Variants in DPY19L4 observed in about 807,000 individuals in gnomAD.
DPY19L4 encodes dpy-19 like 4, also known as probable C-mannosyltransferase DPY19L4.
DPY19L4 carries 97 observed loss-of-function variants against 102.8 expected under a neutral mutation model. The ratio of observed to expected loss-of-function variants is 0.94; its 90% confidence interval spans 0.80 to 1.12. The LOEUF is 1.12. Ranked by LOEUF, DPY19L4 falls within the 50% of genes most tolerant of loss-of-function variation. The probability of loss-of-function intolerance (pLI) is 0.00; values close to 1 mark genes in which losing one functional copy is unlikely to be tolerated. For missense variants in DPY19L4, 815 were observed against 850.4 expected (o/e 0.96, Z 0.52); for synonymous variants, 252 against 283.1 (o/e 0.89, Z 1.10).
At chr8:94,766,144 G>A (rs1321771473) in intron 10 of DPY19L4, among the ~76,000 whole-genome samples, 1 of 151,986 alleles carries the variant, frequency 6.6e-6, no homozygotes, top group Non-Finnish European at 1.5e-5. Context: ...AGGTTGAAAT[G>A]TTGTTGATCA....
At chr8:94,742,747 G>C (rs570720213) in intron 6 of DPY19L4, among the ~76,000 whole-genome samples, 1 of 151,906 alleles carries the variant, frequency 6.6e-6, no homozygotes, top group East Asian at 2.0e-4. Context: ...TTTTAGTAGA[G>C]ATGGGGTTTC....
rs1169668380 is a variant in DPY19L4, at chr8:94,761,759, T to C, written c.795T>C (p.Tyr265=). ...STYTFMMMWE[Y]SHYLLFLQAI... is the part of the protein sequence containing the mutation. ...ACACATTTATGATGATGTGGGAGTA[T>C]AGCCACTATCTCCTGTTTCTTCAAG... is the stretch of plus-strand genomic sequence containing the variant. The change falls in exon 8 of 19, where the codon TAT becomes TAC. Residue 265 remains tyrosine, a synonymous_variant. Transcript: ENST00000414645. 1 of 1,612,230 alleles carries C rather than the reference T, an allele frequency of 6.2e-7. No homozygotes were observed. The highest frequency in any genetic ancestry group is 8.5e-7 in the Non-Finnish European group (1 of 1,179,336).
At chr8:94,731,043 C>A (rs533994159) in intron 2 of DPY19L4, among the ~76,000 whole-genome samples, 2 of 131,930 alleles carry the variant, frequency 1.5e-5, no homozygotes, top group South Asian at 4.9e-4. Context: ...CCACTCCCGG[C>A]CAACTCTGTC....
At chr8:94,738,061 G>A (rs1381813105) in intron 3 of DPY19L4, among the ~76,000 whole-genome samples, 1 of 151,932 alleles carries the variant, frequency 6.6e-6, no homozygotes, top group Non-Finnish European at 1.5e-5. Flanking sequence ...GCTTACGCCT[G>A]TAATCCCAGC....
At chr8:94,749,228 C>T (rs1811811777) in intron 6 of DPY19L4, among the ~76,000 whole-genome samples, 1 of 152,118 alleles carries the variant, frequency 6.6e-6, no homozygotes, top group African/African-American at 2.4e-5. Flanking sequence ...GGGAACACAG[C>T]CAAACCATAT....
At chr8:94,781,346 A>G (rs1040269047) in intron 16 of DPY19L4, among the ~76,000 whole-genome samples, 180 bp downstream of exon 16, 2 of 152,174 alleles carry the variant, frequency 1.3e-5, no homozygotes, top group Non-Finnish European at 2.9e-5. Flanking sequence ...GCTCATCTCC[A>G]TGGGCTTGAA....
At chr8:94,724,462 G>A (rs192117710) in intron 1 of DPY19L4, among the ~76,000 whole-genome samples, 72 of 152,222 alleles carry the variant, frequency 4.7e-4, no homozygotes, top group Middle Eastern at 6.8e-3. Flanking sequence ...CTAGAGCAGG[G>A]GAATATTAAA....
chr8:94,754,702 T>C (rs2130859248), intron 6 of DPY19L4, among the ~76,000 whole-genome samples: 1 of 152,342 alleles, frequency 6.6e-6, no homozygotes, highest in Admixed American at 6.5e-5. Context: ...CCCCTTGTGG[T>C]ATGTGGATAT....
At chr8:94,744,477 T>G (rs761572499) in intron 6 of DPY19L4, 2 of 456,618 alleles carry the variant, frequency 4.4e-6, no homozygotes, top group African/African-American at 2.0e-5. Flanking sequence ...TCTGCCATAT[T>G]TTGTCAGTTG....
At chr8:94,732,651 A>G (rs1055837355) in intron 2 of DPY19L4, among the ~76,000 whole-genome samples, 1 of 152,158 alleles carries the variant, frequency 6.6e-6, no homozygotes, top group Non-Finnish European at 1.5e-5. Context: ...CTTTAGGTTT[A>G]TAGTTAGTTA....
intron 12 of DPY19L4, among the ~76,000 whole-genome samples, chr8:94,769,527 A>G (rs1229509734): frequency 6.6e-6 from 1 of 152,128 alleles, no homozygotes; most frequent in African/African-American, 2.4e-5. Flanking sequence ...ATTTAACTTA[A>G]ATGAAGTTAG....
rs915349029 is a variant in DPY19L4 at position 94,792,228 on chromosome 8, ATTATTATTTT to A, written c.*2324_*2333del. On this transcript the variant is annotated 3_prime_UTR_variant, in exon 19 of 19. Coordinates refer to ENST00000414645, the MANE Select transcript of DPY19L4 (RefSeq NM_181787.3). ...ATACAAGTGCCTTGAATTTATTATT[ATTATTATTTT>A]TTATTTTTTTGAGATGGAGTTTCAC... is the stretch of plus-strand genomic sequence containing the variant. The A allele has an allele frequency of 1.3e-5, 2 of 151,822 alleles. No homozygotes were observed. Among genetic ancestry groups the A allele is most frequent in the African/African-American group, 4.8e-5 (2 of 41,344 alleles). The allele number at this position is 151,822 out of a possible 1,614,324, so 9.4% of individuals were successfully genotyped here. A position where few individuals can be genotyped will look rare whatever the true frequency, so the allele number is the denominator to read the frequency against.
intron 1 of DPY19L4, among the ~76,000 whole-genome samples, chr8:94,723,063 A>C (rs940338850): frequency 6.6e-6 from 1 of 152,230 alleles, no homozygotes; most frequent in South Asian, 2.1e-4. Context: ...TTGTAGCCCT[A>C]CTGTTTCATA....
chr8:94,774,362 T>A (rs969752319), intron 13 of DPY19L4, among the ~76,000 whole-genome samples: 1 of 151,286 alleles, frequency 6.6e-6, no homozygotes, highest in Non-Finnish European at 1.5e-5. Flanking sequence ...TAAGTTTTTT[T>A]AAAATTATGA....
chr8:94,758,079 C>T (rs536429442), intron 7 of DPY19L4, among the ~76,000 whole-genome samples: 1 of 152,052 alleles, frequency 6.6e-6, no homozygotes, highest in Non-Finnish European at 1.5e-5. Flanking sequence ...CCACTGCACT[C>T]CAGCCTGAGC....
chr8:94,781,311 T>C, intron 16 of DPY19L4, 145 bp downstream of exon 16: 2 of 651,968 alleles, frequency 3.1e-6, no homozygotes, highest in Non-Finnish European at 4.7e-6. Flanking sequence ...TAGATTTTGG[T>C]TGGACTTAGT....
At chr8:94,749,959 T>TTTG (rs1563588539) in intron 6 of DPY19L4, among the ~76,000 whole-genome samples, 2 of 152,188 alleles carry the variant, frequency 1.3e-5, no homozygotes, top group African/African-American at 2.4e-5. Flanking sequence ...GTTCATGTTT[T>TTTG]TTGTTTGTTT....
At chr8:94,773,684 C>T (rs561148797) in intron 13 of DPY19L4, among the ~76,000 whole-genome samples, 7 of 151,910 alleles carry the variant, frequency 4.6e-5, no homozygotes, top group Non-Finnish European at 8.8e-5. Flanking sequence ...CCTGACTCAG[C>T]CTCCCAAAGT....
At chr8:94,752,480 G>A (rs940577188) in intron 6 of DPY19L4, among the ~76,000 whole-genome samples, 1 of 150,050 alleles carries the variant, frequency 6.7e-6, no homozygotes, top group Non-Finnish European at 1.5e-5. Context: ...CAGCTACTCA[G>A]GAGGCTGAGG....
Sources: allele counts gnomAD v4.1 joint callset (sites outside exome capture counted in the v4.1 genomes callset), GRCh38; gene constraint gnomAD v4.1.1; transcripts MANE v1.5; gene names NCBI Gene and HGNC (gene_info 2026-07-23, HGNC 2026-07-21).